RCAN2: variants seen among roughly 807,000 people sequenced by gnomAD.
RCAN2 encodes the protein calcipressin-2.
RCAN2 carries 9 observed loss-of-function variants against 23.6 expected under a neutral mutation model. The observed-to-expected ratio is 0.38, with a 90% CI of 0.23 to 0.67. The LOEUF is 0.67. RCAN2 is among the 30% of genes least tolerant of loss of function. The pLI, the probability that RCAN2 is intolerant of heterozygous loss-of-function variation, is 0.51. For synonymous variants in RCAN2, 109 were observed against 115.7 expected (o/e 0.94, Z 0.37); for missense variants, 273 against 302.3 (o/e 0.90, Z 0.72).
intron 1 of RCAN2, among the ~76,000 whole-genome samples, 157 bp downstream of exon 1, chr6:46,491,010 CCCGCCA>C (rs1302918949): frequency 1.6e-3 from 189 of 114,826 alleles, no homozygotes; most frequent in African/African-American, 4.4e-3. Context: ...TGCCCCCACC[CCCGCCA>C]CCGCCCCCGC....
intron 2 of RCAN2, among the ~76,000 whole-genome samples, chr6:46,389,311 C>A (rs1163408504): frequency 6.6e-6 from 1 of 152,200 alleles, no homozygotes; most frequent in Non-Finnish European, 1.5e-5. Context: ...ACTCAGCCTG[C>A]TGTTTCAGAC....
intron 2 of RCAN2, among the ~76,000 whole-genome samples, chr6:46,273,232 G>A (rs929773669): frequency 1.3e-5 from 2 of 152,148 alleles, no homozygotes; most frequent in African/African-American, 4.8e-5. Context: ...CAGGGAAATT[G>A]GGTTAACAGA....
chr6:46,345,069 T>C (rs1426725262), intron 2 of RCAN2, among the ~76,000 whole-genome samples: 1 of 151,828 alleles, frequency 6.6e-6, no homozygotes, highest in Non-Finnish European at 1.5e-5. Context: ...AAGTAAAAAT[T>C]AGAAAAATAT....
chr6:46,257,983 T>G (rs1766976078), intron 2 of RCAN2, among the ~76,000 whole-genome samples: 2 of 152,232 alleles, frequency 1.3e-5, no homozygotes. Flanking sequence ...GGAAGTCCAC[T>G]GGTACTTTTG....
intron 4 of RCAN2, among the ~76,000 whole-genome samples, chr6:46,233,721 C>CTTTTTTTTTTTTTTTTTTTT (rs1240948992): frequency 4.6e-5 from 6 of 130,770 alleles, no homozygotes; most frequent in Non-Finnish European, 4.9e-5. Context: ...AAGAACACTT[C>CTTTTTTTTTTTTTTTTTTTT]TTTTTTTTTT....
intron 2 of RCAN2, among the ~76,000 whole-genome samples, chr6:46,328,889 T>C (rs1406401966): frequency 6.6e-6 from 1 of 152,180 alleles, no homozygotes; most frequent in Admixed American, 6.5e-5. Flanking sequence ...GATTCCAGGC[T>C]TGAACCACCA....
At chr6:46,272,316 T>C (rs1767546238) in intron 2 of RCAN2, among the ~76,000 whole-genome samples, 1 of 152,230 alleles carries the variant, frequency 6.6e-6, no homozygotes, top group Non-Finnish European at 1.5e-5. Flanking sequence ...TACCTGCCCC[T>C]CACCTTCAGC....
chr6:46,361,435 A>AG (rs1765010905), intron 2 of RCAN2, among the ~76,000 whole-genome samples: 1 of 152,208 alleles, frequency 6.6e-6, no homozygotes, highest in African/African-American at 2.4e-5. Context: ...GTTTTCAGAA[A>AG]GAAAAAAAGA....
intron 2 of RCAN2, among the ~76,000 whole-genome samples, chr6:46,317,018 T>C (rs1334484091): frequency 6.6e-6 from 1 of 152,198 alleles, no homozygotes; most frequent in Non-Finnish European, 1.5e-5. Context: ...ACTGTTCAGA[T>C]GTAAAATATT....
chr6:46,331,869 C>A (rs183780849), intron 2 of RCAN2, among the ~76,000 whole-genome samples: 5 of 152,178 alleles, frequency 3.3e-5, no homozygotes, highest in Admixed American at 3.3e-4. Context: ...ACATTTGTAT[C>A]CCTTTCTTTC....
At chr6:46,416,823 TG>T (rs1319531909) in intron 2 of RCAN2, among the ~76,000 whole-genome samples, 8 of 152,166 alleles carry the variant, frequency 5.3e-5, no homozygotes, top group African/African-American at 1.9e-4. Flanking sequence ...TGTCCTGCTC[TG>T]ATTTTCTACC....
At chr6:46,266,985 A>G (rs1767354290) in intron 2 of RCAN2, among the ~76,000 whole-genome samples, 1 of 152,190 alleles carries the variant, frequency 6.6e-6, no homozygotes, top group African/African-American at 2.4e-5. Flanking sequence ...GACCTTGTAA[A>G]TGATGCAAAG....
Position 46,483,939 on chromosome 6 carries a change from T to C in RCAN2, c.-3+7234A>G, listed in dbSNP as rs191484226. ...TTTTGTTTGAACCACCATTAATTTA[T>C]CTGAATTTACATTGCTATTTCAAAA... On this transcript the variant is annotated intron_variant, in intron 1 of 4. Transcript: ENST00000371374. 8.5e-5 allele frequency among the ~76,000 whole-genome samples: 13 copies of C among 152,370 alleles called. 1 individual carries two copies. In the East Asian group the frequency reaches 2.3e-3, roughly 27 times the overall value.
chr6:46,395,012 G>C (rs1766048608), intron 2 of RCAN2, among the ~76,000 whole-genome samples: 1 of 152,148 alleles, frequency 6.6e-6, no homozygotes, highest in Non-Finnish European at 1.5e-5. Flanking sequence ...AGAAGGAAGA[G>C]TTGCTATTTC....
In RCAN2 at chr6:46,383,759, C is replaced by T. The variant is rs552092931; in HGVS notation, c.225+72993G>A. ...CTTACCGGATGGCAAAGATATAGAA[C>T]ATTTTAATTATCACAGAAAGTTCTG... is the stretch of plus-strand genomic sequence containing the variant. On this transcript the variant is annotated intron_variant, in intron 2 of 4. Transcript: ENST00000371374. 1.4e-3 allele frequency among the ~76,000 whole-genome samples: 208 copies of T among 152,282 alleles called. 1 individual carries two copies. The highest frequency in any genetic ancestry group is 4.9e-3 in the African/African-American group (203 of 41,564).
intron 4 of RCAN2, among the ~76,000 whole-genome samples, chr6:46,229,779 G>A (rs527903798): frequency 7.2e-5 from 11 of 152,254 alleles, no homozygotes; most frequent in East Asian, 1.9e-4. Context: ...CTCTCAACTC[G>A]TCAAAGTCAT....
rs190025688 is a variant in RCAN2 at position 46,220,840 on chromosome 6, T to G, written c.*2301A>C. On this transcript the variant is annotated 3_prime_UTR_variant, in exon 5 of 5. Coordinates refer to ENST00000371374, the MANE Select transcript of RCAN2 (RefSeq NM_001251974.2). ...CCCTTCCCCTTCATTGTTAAAGTTTTCAAACTTAAAATAGTGCTAAAGAGA... is the reference window on the plus strand; with the variant it reads ...CCCTTCCCCTTCATTGTTAAAGTTTGCAAACTTAAAATAGTGCTAAAGAGA... 3.3e-5 allele frequency: 5 copies of G among 152,808 alleles called. No individual in the cohort carries two copies. The highest frequency in any genetic ancestry group is 9.6e-5 in the African/African-American group (4 of 41,580). The allele number at this position is 152,808 out of a possible 1,614,324, so 9.5% of individuals were successfully genotyped here.
chr6:46,317,613 C>T (rs1273245849), intron 2 of RCAN2, among the ~76,000 whole-genome samples: 1 of 152,150 alleles, frequency 6.6e-6, no homozygotes, highest in Non-Finnish European at 1.5e-5. Flanking sequence ...AGGCGCCTGT[C>T]ACCATGCCCG....
At chr6:46,238,386 T>C (rs1766181422) in intron 4 of RCAN2, among the ~76,000 whole-genome samples, 1 of 152,118 alleles carries the variant, frequency 6.6e-6, no homozygotes, top group African/African-American at 2.4e-5. Context: ...CCTAATGGTG[T>C]CTGGAAATGG....
Sources: gnomAD v4.1 joint callset for allele counts (sites outside exome capture counted in the v4.1 genomes callset) on GRCh38, gnomAD v4.1.1 for gene constraint, MANE v1.5 for transcripts, NCBI Gene and HGNC (gene_info 2026-07-23, HGNC 2026-07-21) for gene names.